The following ETV1 variants were observed in gnomAD, a reference collection of about 807,000 sequenced individuals.
The protein encoded by ETV1 is ETS translocation variant 1.
A neutral mutation model predicts 62.3 loss-of-function variants in ETV1; 27 were observed. The ratio of observed to expected loss-of-function variants is 0.43; its 90% confidence interval spans 0.32 to 0.60. The LOEUF (loss-of-function observed/expected upper bound fraction) is 0.60. Ranked by LOEUF, ETV1 falls within the 20% of genes least tolerant of loss-of-function variation. The probability of loss-of-function intolerance (pLI) is 0.06; values close to 1 mark genes in which losing one functional copy is unlikely to be tolerated. For missense variants in ETV1, 605 were observed against 605.8 expected (o/e 1.00, Z 0.01); for synonymous variants, 222 against 199.6 (o/e 1.11, Z -0.94).
chr7:13,989,178 ATC>A, intron 2 of ETV1, 39 bp from the exon 3 acceptor site: 3 of 748,050 alleles, frequency 4.0e-6, no homozygotes, highest in African/African-American at 1.8e-5. Flanking sequence ...TTAAAAAAAA[ATC>A]ATGAATGAAG....
At chr7:13,898,317 C>G (rs1005989896) in intron 13 of ETV1, among the ~76,000 whole-genome samples, 4 of 152,110 alleles carry the variant, frequency 2.6e-5, no homozygotes, top group Non-Finnish European at 5.9e-5. Context: ...CTTTCAATGG[C>G]TGGATATTCA....
chr7:13,973,559 C>T (rs993694366), intron 6 of ETV1, among the ~76,000 whole-genome samples: 2 of 152,122 alleles, frequency 1.3e-5, no homozygotes, highest in Non-Finnish European at 2.9e-5. Context: ...GTCCTTTCTT[C>T]GGTGAAGAAT....
intron 10 of ETV1, among the ~76,000 whole-genome samples, chr7:13,910,188 T>G (rs916998555): frequency 6.6e-6 from 1 of 151,154 alleles, no homozygotes; most frequent in Non-Finnish European, 1.5e-5. Flanking sequence ...TTAACCTTCC[T>G]GTACTCAATT....
intron 6 of ETV1, among the ~76,000 whole-genome samples, chr7:13,950,867 G>T (rs1237028895): frequency 6.8e-6 from 1 of 147,740 alleles, no homozygotes; most frequent in African/African-American, 2.5e-5. Context: ...AAATCTTCTG[G>T]TTTAGAAATC....
rs573527257 is a variant in ETV1 at position 13,928,342 on chromosome 7, C to A, written c.802+3160G>T. 7.2e-5 allele frequency among the ~76,000 whole-genome samples: 11 copies of A among 152,250 alleles called. 1 individual carries two copies. In the East Asian group the frequency reaches 2.1e-3, roughly 29 times the overall value. ...ATCAAGAAAACAGTTTCAGGCTGGG[C>A]GTGGTGGCTCACGCTTGTAATCCCA... is the stretch of plus-strand genomic sequence containing the variant. On this transcript the variant is annotated intron_variant, in intron 9 of 13. Coordinates refer to ENST00000430479, the MANE Select transcript of ETV1 (RefSeq NM_004956.5).
chr7:13,946,457 T>C (rs1788173094), intron 6 of ETV1, among the ~76,000 whole-genome samples: 1 of 152,224 alleles, frequency 6.6e-6, no homozygotes, highest in African/African-American at 2.4e-5. Flanking sequence ...CAAAATAAAC[T>C]TAACCACTTC....
At chr7:13,913,883 T>C (rs1783834831) in intron 9 of ETV1, among the ~76,000 whole-genome samples, 1 of 121,794 alleles carries the variant, frequency 8.2e-6, no homozygotes, top group Non-Finnish European at 1.7e-5. Flanking sequence ...TACCTCTTTT[T>C]TTTTTTTTTT....
At chr7:13,972,771 G>GTTTTTA (rs1011430391) in intron 6 of ETV1, among the ~76,000 whole-genome samples, 1 of 151,984 alleles carries the variant, frequency 6.6e-6, no homozygotes, top group Admixed American at 6.6e-5. Context: ...TTTTCACTTG[G>GTTTTTA]TTTTTATTTT....
At chr7:13,917,153 C>T (rs1305671239) in intron 9 of ETV1, among the ~76,000 whole-genome samples, 1 of 151,914 alleles carries the variant, frequency 6.6e-6, no homozygotes, top group African/African-American at 2.4e-5. Context: ...ATGACCAGAT[C>T]CAAACAACAT....
intron 13 of ETV1, among the ~76,000 whole-genome samples, chr7:13,898,845 T>C (rs186790753): frequency 6.6e-6 from 1 of 152,180 alleles, no homozygotes; most frequent in Non-Finnish European, 1.5e-5. Flanking sequence ...TATCCGAGAA[T>C]GTGATTAGCT....
chr7:13,920,192 G>C (rs1445734811), intron 9 of ETV1, among the ~76,000 whole-genome samples: 1 of 152,052 alleles, frequency 6.6e-6, no homozygotes. Flanking sequence ...CAAACACTGT[G>C]GGGCTGAAAT....
At chr7:13,940,270 G>A (rs1283052691) in intron 6 of ETV1, among the ~76,000 whole-genome samples, 2 of 151,354 alleles carry the variant, frequency 1.3e-5, no homozygotes, top group Non-Finnish European at 2.9e-5. Flanking sequence ...GCTGAGGCGG[G>A]AGAATTGCTT....
In ETV1 at chr7:13,892,773, A is replaced by T. The variant is rs1488840704; in HGVS notation, c.*3093T>A. 4.3e-6 allele frequency: 1 copy of T among 232,378 alleles called. No individual in the cohort carries two copies. The highest frequency in any genetic ancestry group is 8.5e-6 in the Non-Finnish European group (1 of 117,588). 14.4% of individuals were successfully genotyped at this position (232,378 alleles called of 1,614,324 possible). A position where few individuals can be genotyped will look rare whatever the true frequency, so the allele number is the denominator to read the frequency against. On this transcript the variant is annotated 3_prime_UTR_variant, in exon 14 of 14. Transcript: ENST00000430479. ...ATGTGACCATGGAAGCAGAGATTGA[A>T]GTGATGTAGCCAGGAGCCAAGGAAT...
At chr7:13,913,872 G>A (rs183564663) in intron 9 of ETV1, among the ~76,000 whole-genome samples, 1 of 143,232 alleles carries the variant, frequency 7.0e-6, no homozygotes, top group African/African-American at 2.6e-5. Context: ...CTATTTGGGG[G>A]TACCTCTTTT....
At chr7:13,896,137 G>C (rs1333212868) in intron 13 of ETV1, 50 bp from the exon 14 acceptor site, 4 of 1,467,716 alleles carry the variant, frequency 2.7e-6, no homozygotes, top group Middle Eastern at 3.5e-4. Flanking sequence ...CGCCAGATGG[G>C]GAAGGACAGG....
At chr7:13,950,783 G>T (rs1209315987) in intron 6 of ETV1, among the ~76,000 whole-genome samples, 1 of 151,990 alleles carries the variant, frequency 6.6e-6, no homozygotes, top group Non-Finnish European at 1.5e-5. Flanking sequence ...CTAACTCAGA[G>T]GTTGACAACA....
chr7:13,966,484 A>G (rs1780302137), intron 6 of ETV1, among the ~76,000 whole-genome samples: 1 of 151,974 alleles, frequency 6.6e-6, no homozygotes, highest in Non-Finnish European at 1.5e-5. Flanking sequence ...AAATACAAAA[A>G]TTAGCTGGGG....
At chr7:13,975,187 A>G (rs562850510) in intron 6 of ETV1, 19 of 152,390 alleles carry the variant, frequency 1.2e-4, no homozygotes, top group African/African-American at 4.3e-4. Context: ...GTTAGTGGAC[A>G]CTGTATCAGG....
intron 3 of ETV1, 32 bp downstream of exon 3, chr7:13,988,976 T>G: frequency 6.3e-7 from 1 of 1,586,592 alleles, no homozygotes; most frequent in Non-Finnish European, 8.6e-7. Flanking sequence ...GAGTCAAGTT[T>G]ATAAACAGCA....
Sources: allele counts gnomAD v4.1 joint callset (sites outside exome capture counted in the v4.1 genomes callset), GRCh38; gene constraint gnomAD v4.1.1; transcripts MANE v1.5; gene names NCBI Gene and HGNC (gene_info 2026-07-23, HGNC 2026-07-21).